TBC1D32: variants seen among roughly 807,000 people sequenced by gnomAD.
TBC1D32 encodes the protein TBC1 domain family member 32.
TBC1D32 carries 151 observed loss-of-function variants against 170.3 expected under a neutral mutation model. The observed-to-expected ratio is 0.89, with a 90% CI of 0.78 to 1.01. The LOEUF is 1.01. TBC1D32 is among the 50% of genes least tolerant of loss of function. The probability of loss-of-function intolerance (pLI) is 0.00; values close to 1 mark genes in which losing one functional copy is unlikely to be tolerated. For synonymous variants in TBC1D32, 498 were observed against 488.0 expected (o/e 1.02, Z -0.27); for missense variants, 1,464 against 1,457.1 (o/e 1.00, Z -0.08).
rs1428595675 is a variant in TBC1D32, at chr6:121,273,644, A to C, written c.1733+5477T>G. Among the ~76,000 whole-genome samples the C allele has an allele frequency of 1.3e-5, 2 of 152,230 alleles. 1 individual carries two copies. Among genetic ancestry groups the C allele is most frequent in the African/African-American group, 4.8e-5 (2 of 41,544 alleles). On this transcript the variant is annotated intron_variant, in intron 15 of 31. Transcript: ENST00000398212. ...TAGAACTTAAAGTATAATTTAAAAAAAAAAAAAAAGCTGTTGAATCAAGTT... is the reference window on the plus strand; with the variant it reads ...TAGAACTTAAAGTATAATTTAAAAACAAAAAAAAAGCTGTTGAATCAAGTT...
chr6:121,106,274 C>T (rs1175458635), intron 29 of TBC1D32, 111 bp from the exon 30 acceptor site: 1 of 534,248 alleles, frequency 1.9e-6, no homozygotes, highest in African/African-American at 2.0e-5. Flanking sequence ...ATTGCTGCTT[C>T]AAAATTAATA....
intron 15 of TBC1D32, among the ~76,000 whole-genome samples, chr6:121,274,949 T>A (rs756843976): frequency 2.6e-5 from 4 of 152,034 alleles, no homozygotes; most frequent in African/African-American, 4.8e-5. Flanking sequence ...GCTAAGTACA[T>A]TGAAAATTGT....
chr6:121,136,932 A>T (rs977090063), intron 24 of TBC1D32, among the ~76,000 whole-genome samples: 1 of 152,150 alleles, frequency 6.6e-6, no homozygotes, highest in Non-Finnish European at 1.5e-5. Flanking sequence ...TATAGTTCAT[A>T]ATTAGTTATA....
chr6:121,212,669 G>T (rs931886930), intron 21 of TBC1D32, among the ~76,000 whole-genome samples: 3 of 151,896 alleles, frequency 2.0e-5, no homozygotes, highest in Non-Finnish European at 4.4e-5. Context: ...GGGCAGGCTG[G>T]TCTCAAACTC....
At chr6:121,202,227 G>A (rs1791664249) in intron 22 of TBC1D32, among the ~76,000 whole-genome samples, 1 of 147,352 alleles carries the variant, frequency 6.8e-6, no homozygotes, top group South Asian at 2.2e-4. Context: ...CTTGGTCCTG[G>A]GTCCAGGACT....
At chr6:121,331,447 T>C (rs932227673) in intron 1 of TBC1D32, among the ~76,000 whole-genome samples, 1 of 151,858 alleles carries the variant, frequency 6.6e-6, no homozygotes, top group African/African-American at 2.4e-5. Flanking sequence ...CTTGAACTCC[T>C]GAACTCAAGT....
chr6:121,325,957 G>A (rs539265915), intron 1 of TBC1D32, among the ~76,000 whole-genome samples: 1 of 152,226 alleles, frequency 6.6e-6, no homozygotes, highest in South Asian at 2.1e-4. Context: ...AAAAGTGGGT[G>A]AAGCATATGA....
intron 19 of TBC1D32, among the ~76,000 whole-genome samples, chr6:121,240,604 AT>A (rs1213567510): frequency 1.3e-5 from 2 of 151,698 alleles, no homozygotes; most frequent in African/African-American, 2.4e-5. Flanking sequence ...TATAAGACAT[AT>A]TGGCCGGGTG....
chr6:121,217,844 T>C (rs1029185296), intron 21 of TBC1D32, among the ~76,000 whole-genome samples: 1 of 152,190 alleles, frequency 6.6e-6, no homozygotes, highest in Non-Finnish European at 1.5e-5. Flanking sequence ...ATCAAGGTGT[T>C]AGGGAGGCAA....
At chr6:121,134,648 A>G (rs1044776180) in intron 24 of TBC1D32, among the ~76,000 whole-genome samples, 26 of 152,150 alleles carry the variant, frequency 1.7e-4, no homozygotes, top group Admixed American at 1.0e-3. Flanking sequence ...TTGAGAGTAT[A>G]TGCTTTACAA....
At chr6:121,220,807 A>C (rs1395966310) in intron 21 of TBC1D32, among the ~76,000 whole-genome samples, 3 of 151,620 alleles carry the variant, frequency 2.0e-5, no homozygotes, top group Non-Finnish European at 4.4e-5. Flanking sequence ...CGTCCAGCTA[A>C]TTTTTGTATT....
intron 31 of TBC1D32, among the ~76,000 whole-genome samples, chr6:121,087,711 A>G (rs1416858469): frequency 6.6e-6 from 1 of 152,174 alleles, no homozygotes; most frequent in Admixed American, 6.5e-5. Flanking sequence ...TTATTTTTAT[A>G]TACTTATTCA....
intron 27 of TBC1D32, among the ~76,000 whole-genome samples, chr6:121,113,574 T>C (rs1407846036): frequency 3.3e-5 from 5 of 152,264 alleles, no homozygotes; most frequent in Non-Finnish European, 5.9e-5. Flanking sequence ...TCTGGAAATG[T>C]GTAGGACTAT....
intron 12 of TBC1D32, among the ~76,000 whole-genome samples, chr6:121,288,723 T>A (rs919953379): frequency 1.3e-5 from 2 of 151,880 alleles, no homozygotes; most frequent in Admixed American, 6.6e-5. Flanking sequence ...TAGACCAATA[T>A]CCCACATGAA....
At chr6:121,272,416 A>AG (rs201437941) in intron 15 of TBC1D32, among the ~76,000 whole-genome samples, 3,643 of 152,238 alleles carry the variant, frequency 0.024, 162 homozygotes, top group East Asian at 0.12. Flanking sequence ...TACAAGAAAA[A>AG]AAACAAACAA....
intron 14 of TBC1D32, among the ~76,000 whole-genome samples, chr6:121,280,090 T>A (rs1429105972): frequency 6.6e-6 from 1 of 151,916 alleles, no homozygotes; most frequent in Non-Finnish European, 1.5e-5. Context: ...AATCATACTG[T>A]TTAGCATGAA....
chr6:121,127,088 T>C (rs1193652117), intron 25 of TBC1D32, among the ~76,000 whole-genome samples: 2 of 152,164 alleles, frequency 1.3e-5, no homozygotes, highest in Admixed American at 1.3e-4. Flanking sequence ...GGTTTTGAGT[T>C]TTTTGTTGTT....
At chr6:121,254,788 G>A (rs1046543011) in intron 17 of TBC1D32, among the ~76,000 whole-genome samples, 16 of 151,872 alleles carry the variant, frequency 1.1e-4, no homozygotes, top group African/African-American at 2.9e-4. Context: ...CATGTTGCCC[G>A]AGTTTAGTTC....
chr6:121,299,753 G>A (rs573924101), intron 9 of TBC1D32, among the ~76,000 whole-genome samples: 8 of 152,196 alleles, frequency 5.3e-5, no homozygotes, highest in East Asian at 3.9e-4. Flanking sequence ...TCTATCCATC[G>A]ATTGTGTCCA....
Sources: allele counts gnomAD v4.1 joint callset (sites outside exome capture counted in the v4.1 genomes callset), GRCh38; gene constraint gnomAD v4.1.1; transcripts MANE v1.5; gene names NCBI Gene and HGNC (gene_info 2026-07-23, HGNC 2026-07-21).